ANGPT1: variants seen among roughly 807,000 people sequenced by gnomAD.
ANGPT1 encodes the protein angiopoietin 1, also known as angiopoietin-1.
A neutral mutation model predicts 62.2 loss-of-function variants in ANGPT1; 17 were observed. That is an observed-to-expected ratio of 0.27 (90% CI 0.19 to 0.41). ANGPT1 has a LOEUF of 0.41. Ranked by LOEUF, ANGPT1 falls within the 10% of genes least tolerant of loss-of-function variation. ANGPT1 has a pLI of 1.00. For missense variants in ANGPT1, 478 were observed against 594.9 expected (o/e 0.80, Z 2.04); for synonymous variants, 199 against 198.9 (o/e 1.00, Z 0.00).
At position 107,430,207 on chromosome 8, in the gene ANGPT1, G is replaced by T. The variant is rs577450637; in HGVS notation, c.297+67055C>A. ...GTTTAATGTTCTTGGAATTTCACAA[G>T]AATTCTGAATATAATTCTAAATGAA... On this transcript the variant is annotated intron_variant, in intron 1 of 8. Coordinates refer to ENST00000517746, the MANE Select transcript of ANGPT1 (RefSeq NM_001146.5). Among the ~76,000 whole-genome samples, 11 of 152,276 alleles carry T rather than the reference G, an allele frequency of 7.2e-5. No individual in the cohort carries two copies. The South Asian group carries it at 2.3e-3, about 32-fold the overall frequency.
chr8:107,372,413 T>A (rs902956517), intron 1 of ANGPT1, among the ~76,000 whole-genome samples: 2 of 152,160 alleles, frequency 1.3e-5, no homozygotes, highest in Non-Finnish European at 2.9e-5. Flanking sequence ...ATGACCATTC[T>A]CCTGGTGCCT....
chr8:107,378,787 C>T (rs1816578615), intron 1 of ANGPT1, among the ~76,000 whole-genome samples: 11 of 152,034 alleles, frequency 7.2e-5, no homozygotes, highest in Admixed American at 7.2e-4. Flanking sequence ...CCTTCACCTT[C>T]CACCATGATT....
intron 1 of ANGPT1, among the ~76,000 whole-genome samples, chr8:107,459,528 CAAA>C (rs1272204543): frequency 7.1e-6 from 1 of 140,346 alleles, no homozygotes; most frequent in Non-Finnish European, 1.6e-5. Flanking sequence ...ACAACAACAA[CAAA>C]ACAAGTAGAT....
rs201326087 is a variant in ANGPT1, at chr8:107,476,587, TAATA to T, written c.297+20671_297+20674del. 4.0e-5 allele frequency among the ~76,000 whole-genome samples: 6 copies of T among 151,818 alleles called. No individual in the cohort carries two copies. The South Asian group carries it at 1.0e-3, about 26-fold the overall frequency. ...ACGTACCCTAGAACTTAAAGTATAA[TAATA>T]AATAAATAAATAAATAAATTTGAAA... On this transcript the variant is annotated intron_variant, in intron 1 of 8. Coordinates refer to ENST00000517746, the MANE Select transcript of ANGPT1 (RefSeq NM_001146.5).
At chr8:107,414,423 C>T (rs1310000697) in intron 1 of ANGPT1, among the ~76,000 whole-genome samples, 1 of 152,138 alleles carries the variant, frequency 6.6e-6, no homozygotes, top group Non-Finnish European at 1.5e-5. Context: ...TACACATGTA[C>T]AGAAACATCA....
chr8:107,252,117 G>T, intron 8 of ANGPT1, 102 bp from the exon 9 acceptor site: 1 of 1,268,544 alleles, frequency 7.9e-7, no homozygotes, highest in Non-Finnish European at 1.1e-6. Flanking sequence ...AAACTTGCTT[G>T]TTCTTGTTAT....
At chr8:107,337,431 G>A (rs1171385043) in intron 2 of ANGPT1, among the ~76,000 whole-genome samples, 1 of 152,088 alleles carries the variant, frequency 6.6e-6, no homozygotes, top group Admixed American at 6.5e-5. Context: ...ATGAGTCTGT[G>A]AGCTGTGCAC....
intron 1 of ANGPT1, among the ~76,000 whole-genome samples, chr8:107,459,645 C>A (rs577215869): frequency 6.6e-5 from 10 of 152,262 alleles, no homozygotes; most frequent in African/African-American, 9.6e-5. Context: ...CAAAGATGAC[C>A]ATTTTCACTT....
At chr8:107,359,812 C>T (rs1376710264) in intron 1 of ANGPT1, among the ~76,000 whole-genome samples, 2 of 152,186 alleles carry the variant, frequency 1.3e-5, no homozygotes, top group Admixed American at 1.3e-4. Context: ...CGATCTCTGG[C>T]TGACGGGAAT....
At chr8:107,386,118 T>A (rs185261665) in intron 1 of ANGPT1, among the ~76,000 whole-genome samples, 2 of 152,030 alleles carry the variant, frequency 1.3e-5, no homozygotes, top group Non-Finnish European at 2.9e-5. Flanking sequence ...CTGGAAGCCA[T>A]TATCCTAGGT....
intron 1 of ANGPT1, among the ~76,000 whole-genome samples, chr8:107,399,241 C>A (rs1816995841): frequency 6.6e-6 from 1 of 152,108 alleles, no homozygotes; most frequent in Non-Finnish European, 1.5e-5. Context: ...CTGACCTATA[C>A]CTTCTCCATC....
At chr8:107,449,448 A>G (rs1226694179) in intron 1 of ANGPT1, among the ~76,000 whole-genome samples, 1 of 151,652 alleles carries the variant, frequency 6.6e-6, no homozygotes, top group Non-Finnish European at 1.5e-5. Flanking sequence ...TGATATATTA[A>G]GGGAAAATTT....
intron 1 of ANGPT1, among the ~76,000 whole-genome samples, chr8:107,351,949 T>C (rs1563581797): frequency 6.6e-6 from 1 of 152,312 alleles, no homozygotes. Context: ...ATCCAGGTAC[T>C]GTAAGTATTA....
intron 1 of ANGPT1, among the ~76,000 whole-genome samples, chr8:107,435,296 G>T (rs1350967429): frequency 4.6e-5 from 7 of 152,216 alleles, no homozygotes; most frequent in African/African-American, 1.7e-4. Flanking sequence ...TTATTAGTGT[G>T]CATGTGTGAA....
chr8:107,371,727 C>T (rs1293047641), intron 1 of ANGPT1, among the ~76,000 whole-genome samples: 1 of 152,016 alleles, frequency 6.6e-6, no homozygotes, highest in African/African-American at 2.4e-5. Flanking sequence ...CAGGCACCCA[C>T]CAGCAGGCCT....
intron 2 of ANGPT1, among the ~76,000 whole-genome samples, chr8:107,341,440 A>G (rs1815693925): frequency 6.6e-6 from 1 of 152,016 alleles, no homozygotes; most frequent in African/African-American, 2.4e-5. Flanking sequence ...TAAATCTTGA[A>G]AAACAAAACT....
chr8:107,297,642 G>A (rs201670217), intron 5 of ANGPT1, among the ~76,000 whole-genome samples: 2 of 149,356 alleles, frequency 1.3e-5, no homozygotes, highest in East Asian at 3.9e-4. Context: ...ACCAAAACAT[G>A]TAGAAGTTCA....
intron 5 of ANGPT1, among the ~76,000 whole-genome samples, chr8:107,296,194 G>A (rs974297553): frequency 3.9e-5 from 6 of 152,114 alleles, no homozygotes; most frequent in African/African-American, 1.4e-4. Context: ...GGCAGGGAGT[G>A]AGAAGGGTCA....
At chr8:107,410,783 C>G (rs945494815) in intron 1 of ANGPT1, among the ~76,000 whole-genome samples, 1 of 152,062 alleles carries the variant, frequency 6.6e-6, no homozygotes, top group East Asian at 1.9e-4. Context: ...TAACTATTAC[C>G]CATTAACAAA....
Sources: allele counts gnomAD v4.1 joint callset (sites outside exome capture counted in the v4.1 genomes callset), GRCh38; gene constraint gnomAD v4.1.1; transcripts MANE v1.5; gene names NCBI Gene and HGNC (gene_info 2026-07-23, HGNC 2026-07-21).